The following PLD5 variants were observed in gnomAD, a reference collection of about 807,000 sequenced individuals.
The protein encoded by PLD5 is inactive phospholipase D5.
PLD5 carries 36 observed loss-of-function variants against 61.1 expected under a neutral mutation model. The ratio of observed to expected loss-of-function variants is 0.59; its 90% CI spans 0.45 to 0.78. PLD5 has a LOEUF of 0.78. Among genes scored for constraint, PLD5 ranks in the 30% least tolerant of loss-of-function variants. The probability of loss-of-function intolerance (pLI) is 0.00; values close to 1 mark genes in which losing one functional copy is unlikely to be tolerated. For synonymous variants in PLD5, 243 were observed against 242.8 expected (o/e 1.00, Z -0.01); for missense variants, 515 against 644.4 (o/e 0.80, Z 2.17).
At chr1:242,430,110 T>C (rs1403089411) in intron 1 of PLD5, among the ~76,000 whole-genome samples, 4 of 151,828 alleles carry the variant, frequency 2.6e-5, no homozygotes, top group Non-Finnish European at 5.9e-5. Flanking sequence ...TAGAATTCCA[T>C]GTAATTTCCT....
At chr1:242,436,824 C>T (rs1272016324) in intron 1 of PLD5, among the ~76,000 whole-genome samples, 4 of 152,296 alleles carry the variant, frequency 2.6e-5, no homozygotes, top group Admixed American at 2.6e-4. Flanking sequence ...CCACGTTCTA[C>T]CCACTACCAC....
intron 8 of PLD5, among the ~76,000 whole-genome samples, chr1:242,105,493 G>T (rs1204181691): frequency 6.6e-6 from 1 of 152,182 alleles, no homozygotes; most frequent in African/African-American, 2.4e-5. Context: ...CAAAGTGCTG[G>T]GATTATAGGC....
chr1:242,156,677 G>T (rs932641385), intron 5 of PLD5, among the ~76,000 whole-genome samples: 1 of 152,146 alleles, frequency 6.6e-6, no homozygotes, highest in Non-Finnish European at 1.5e-5. Flanking sequence ...TAGAATATTA[G>T]CCCCTACTCT....
intron 9 of PLD5, 98 bp from the exon 10 acceptor site, chr1:242,090,208 A>T (rs1241909248): frequency 8.9e-6 from 13 of 1,463,580 alleles, no homozygotes; most frequent in Non-Finnish European, 1.2e-5. Context: ...AAAATCATCA[A>T]CATCCAGGAA....
At position 242,283,322 on chromosome 1, in the gene PLD5, C is replaced by T. The variant is rs576953824; in HGVS notation, c.495+5040G>A. Among the ~76,000 whole-genome samples, 2 of 152,292 alleles carry T rather than the reference C, an allele frequency of 1.3e-5. 1 individual carries two copies. The highest frequency in any genetic ancestry group is 4.2e-4 in the South Asian group (2 of 4,814). ...AATTGCTACTCTTCCAGAGACCAGACCAATAAAATGTGTGCGTCTGCTGCT... is the reference window on the plus strand; with the variant it reads ...AATTGCTACTCTTCCAGAGACCAGATCAATAAAATGTGTGCGTCTGCTGCT... On this transcript the variant is annotated intron_variant, in intron 3 of 9. Coordinates refer to ENST00000536534, the MANE Select transcript of PLD5 (RefSeq NM_001372062.1).
intron 5 of PLD5, among the ~76,000 whole-genome samples, chr1:242,215,515 T>C (rs1670127747): frequency 1.3e-5 from 2 of 152,146 alleles, no homozygotes; most frequent in African/African-American, 4.8e-5. Flanking sequence ...CTAAAACCTC[T>C]CAAGACATAA....
chr1:242,373,221 A>C lies in PLD5; in HGVS notation c.190-24979T>G, dbSNP rs530336781. Among the ~76,000 whole-genome samples the C allele has an allele frequency of 1.1e-4, 16 of 152,352 alleles. No homozygotes were observed. In the South Asian group the frequency reaches 3.3e-3, roughly 32 times the overall value. ...AAAATGCTCATCATCACTGGCTATC[A>C]GAGAAACGCAAATCAAAACCACAAT... On this transcript the variant is annotated intron_variant, in intron 1 of 9. Coordinates refer to ENST00000536534, the MANE Select transcript of PLD5 (RefSeq NM_001372062.1).
chr1:242,274,448 T>C (rs958364119), intron 3 of PLD5, among the ~76,000 whole-genome samples: 2 of 152,162 alleles, frequency 1.3e-5, no homozygotes, highest in African/African-American at 4.8e-5. Flanking sequence ...ATGAGAACAG[T>C]CAATGACTAA....
chr1:242,114,367 T>C (rs1334636337), intron 6 of PLD5, among the ~76,000 whole-genome samples: 1 of 152,238 alleles, frequency 6.6e-6, no homozygotes, highest in Non-Finnish European at 1.5e-5. Flanking sequence ...GTGATGAGAT[T>C]ATGGTAATTA....
intron 5 of PLD5, among the ~76,000 whole-genome samples, chr1:242,176,473 C>T (rs1667154174): frequency 6.6e-6 from 1 of 152,038 alleles, no homozygotes; most frequent in Admixed American, 6.6e-5. Flanking sequence ...GATGGAAAAC[C>T]ATAAAAATCC....
At chr1:242,152,124 G>T (rs1664973882) in intron 5 of PLD5, among the ~76,000 whole-genome samples, 1 of 151,950 alleles carries the variant, frequency 6.6e-6, no homozygotes, top group Admixed American at 6.6e-5. Flanking sequence ...CAGCAGAATG[G>T]AACTCATTTC....
intron 1 of PLD5, among the ~76,000 whole-genome samples, chr1:242,439,179 G>T (rs1666155207): frequency 6.6e-6 from 1 of 152,196 alleles, no homozygotes; most frequent in Non-Finnish European, 1.5e-5. Flanking sequence ...ATGTAGAATG[G>T]CTCAAAGACA....
At chr1:242,375,050 C>T (rs1039830314) in intron 1 of PLD5, among the ~76,000 whole-genome samples, 1 of 152,176 alleles carries the variant, frequency 6.6e-6, no homozygotes, top group Non-Finnish European at 1.5e-5. Context: ...CCATTTTGCA[C>T]ACCTGGCTGT....
intron 2 of PLD5, among the ~76,000 whole-genome samples, chr1:242,314,128 A>G (rs1403739164): frequency 6.6e-6 from 1 of 152,192 alleles, no homozygotes; most frequent in African/African-American, 2.4e-5. Flanking sequence ...CTGATCACTC[A>G]ACCAGATCCT....
At chr1:242,518,499 G>T (rs953316094) in intron 1 of PLD5, among the ~76,000 whole-genome samples, 1 of 152,150 alleles carries the variant, frequency 6.6e-6, no homozygotes, top group Non-Finnish European at 1.5e-5. Flanking sequence ...TTCAGTAAGA[G>T]AACATAACTT....
chr1:242,184,980 TCTC>T, intron 5 of PLD5, among the ~76,000 whole-genome samples: 1 of 152,260 alleles, frequency 6.6e-6, no homozygotes, highest in Admixed American at 6.5e-5. Flanking sequence ...TCCTGCTGTT[TCTC>T]CTCCTCCCTG....
chr1:242,315,829 T>C (rs543745519), intron 2 of PLD5, among the ~76,000 whole-genome samples: 30 of 152,302 alleles, frequency 2.0e-4, no homozygotes, highest in African/African-American at 7.0e-4. Flanking sequence ...GCACAAGATT[T>C]GAATCAGAGA....
At chr1:242,376,082 C>G (rs1661935425) in intron 1 of PLD5, among the ~76,000 whole-genome samples, 1 of 152,196 alleles carries the variant, frequency 6.6e-6, no homozygotes, top group African/African-American at 2.4e-5. Flanking sequence ...ATTGGTCTAA[C>G]TACGTATTTG....
intron 1 of PLD5, among the ~76,000 whole-genome samples, chr1:242,348,913 G>A (rs1660306899): frequency 6.6e-6 from 1 of 152,132 alleles, no homozygotes; most frequent in African/African-American, 2.4e-5. Flanking sequence ...AATTAGCTGG[G>A]CGTGGTGGCA....
Sources: gnomAD v4.1 joint callset for allele counts (sites outside exome capture counted in the v4.1 genomes callset) on GRCh38, gnomAD v4.1.1 for gene constraint, MANE v1.5 for transcripts, NCBI Gene and HGNC (gene_info 2026-07-23, HGNC 2026-07-21) for gene names.